NEDD9: variants seen among roughly 807,000 people sequenced by gnomAD.
NEDD9 encodes enhancer of filamentation 1.
A neutral mutation model predicts 76.6 loss-of-function variants in NEDD9; 26 were observed. The observed-to-expected ratio is 0.34, with a 90% confidence interval of 0.25 to 0.47. The LOEUF is 0.47. NEDD9 is among the 20% of genes least tolerant of loss of function. The pLI is 1.00. For synonymous variants in NEDD9, 392 were observed against 414.2 expected (o/e 0.95, Z 0.65); for missense variants, 937 against 1,058.5 (o/e 0.89, Z 1.59).
At chr6:11,371,680 T>A (rs1762878044) in intron 1 of NEDD9, among the ~76,000 whole-genome samples, 1 of 152,198 alleles carries the variant, frequency 6.6e-6, no homozygotes, top group South Asian at 2.1e-4. Flanking sequence ...AGGTGAGAAA[T>A]CGTGATGACG....
intron 2 of NEDD9, among the ~76,000 whole-genome samples, chr6:11,308,471 G>A (rs1280625625): frequency 7.0e-6 from 1 of 142,160 alleles, no homozygotes; most frequent in Middle Eastern, 3.5e-3. Context: ...CCAGGTTCAC[G>A]CCATTCTCCT....
At chr6:11,263,382 A>C (rs887987348) in intron 3 of NEDD9, among the ~76,000 whole-genome samples, 1 of 152,224 alleles carries the variant, frequency 6.6e-6, no homozygotes, top group Non-Finnish European at 1.5e-5. Context: ...TCTAACCTCC[A>C]AGGACTCTGC....
intron 1 of NEDD9, among the ~76,000 whole-genome samples, chr6:11,335,444 T>C (rs1161771985): frequency 2.6e-5 from 4 of 152,228 alleles, no homozygotes; most frequent in Non-Finnish European, 4.4e-5. Context: ...CTGCAGTGGC[T>C]GCAGCTGGCA....
At chr6:11,292,920 C>A (rs1210489945) in intron 3 of NEDD9, among the ~76,000 whole-genome samples, 1 of 152,154 alleles carries the variant, frequency 6.6e-6, no homozygotes, top group African/African-American at 2.4e-5. Flanking sequence ...CAGAAACATC[C>A]ATGGAACTTG....
chr6:11,335,504 A>G (rs577775133), intron 1 of NEDD9, among the ~76,000 whole-genome samples: 3 of 152,222 alleles, frequency 2.0e-5, no homozygotes, highest in Non-Finnish European at 2.9e-5. Flanking sequence ...ACCCGACTGC[A>G]CGTCATACAA....
chr6:11,230,878 A>AGGGG (rs1244441989), intron 1 of NEDD9, among the ~76,000 whole-genome samples: 1 of 152,232 alleles, frequency 6.6e-6, no homozygotes, highest in East Asian at 1.9e-4. Flanking sequence ...AAAGCTAACC[A>AGGGG]CGATGAGATC....
intron 2 of NEDD9, chr6:11,200,683 T>C: frequency 8.0e-7 from 1 of 1,255,756 alleles, no homozygotes; most frequent in South Asian, 2.0e-5. Context: ...GTGCTCAAAA[T>C]GAGATCTACG....
chr6:11,184,267 C>T lies in NEDD9; in HGVS notation c.*895G>A, dbSNP rs1757921517. 6.6e-6 allele frequency: 1 copy of T among 152,184 alleles called. No individual in the cohort carries two copies. Among genetic ancestry groups the T allele is most frequent in the South Asian group, 2.1e-4 (1 of 4,822 alleles). The allele number at this position is 152,184 out of a possible 1,614,324, so 9.4% of individuals were successfully genotyped here. A position where few individuals can be genotyped will look rare whatever the true frequency, so the allele number is the denominator to read the frequency against. The stretch of plus-strand genomic sequence containing the variant: ...CTCTACTTGCAACTGGCGGATCAAA[C>T]CATTCCCCTATTTTGGTGAACAATC... On this transcript the variant is annotated 3_prime_UTR_variant, in exon 7 of 7. Coordinates refer to ENST00000379446, the MANE Select transcript of NEDD9 (RefSeq NM_006403.4).
chr6:11,292,489 TG>T (rs1194260302), intron 3 of NEDD9, among the ~76,000 whole-genome samples: 1 of 152,206 alleles, frequency 6.6e-6, no homozygotes, highest in East Asian at 1.9e-4. Flanking sequence ...CATCCAGACA[TG>T]CCTCTTTGCA....
At chr6:11,287,833 A>G (rs1760683863) in intron 3 of NEDD9, among the ~76,000 whole-genome samples, 1 of 152,206 alleles carries the variant, frequency 6.6e-6, no homozygotes, top group Non-Finnish European at 1.5e-5. Context: ...TTAACCTTCC[A>G]GCTTCTGGAA....
chr6:11,274,141 G>A (rs1194538248), intron 3 of NEDD9, among the ~76,000 whole-genome samples: 1 of 152,160 alleles, frequency 6.6e-6, no homozygotes, highest in African/African-American at 2.4e-5. Context: ...TATTTGTTAG[G>A]AGCTTTTTGG....
At chr6:11,196,543 CA>C (rs1174796024) in intron 2 of NEDD9, among the ~76,000 whole-genome samples, 1 of 152,160 alleles carries the variant, frequency 6.6e-6, no homozygotes, top group African/African-American at 2.4e-5. Context: ...CACAGAACCC[CA>C]ACTTGCTCTC....
At position 11,256,404 on chromosome 6, in the gene NEDD9, G is replaced by A. The variant is rs561999147; in HGVS notation, c.13-42677C>T. Reference sequence around the variant, plus strand: ...CAGCCCACTCTAACACCACAGAGGCGCCTCTGCTCTTGTTGGCTGTATTCA... The same window carrying A: ...CAGCCCACTCTAACACCACAGAGGCACCTCTGCTCTTGTTGGCTGTATTCA... On this transcript the variant is annotated intron_variant, in intron 3 of 3. Transcript: ENST00000397378. 6.6e-5 allele frequency among the ~76,000 whole-genome samples: 10 copies of A among 152,324 alleles called. No individual in the cohort carries two copies. The South Asian group carries it at 8.3e-4, about 13-fold the overall frequency.
intron 2 of NEDD9, among the ~76,000 whole-genome samples, chr6:11,315,519 A>G (rs1745075794): frequency 6.6e-6 from 1 of 152,252 alleles, no homozygotes; most frequent in Admixed American, 6.5e-5. Context: ...GCCAAAGAAG[A>G]ATTTGTTGGG....
chr6:11,232,645 T>G lies in NEDD9; in HGVS notation c.-130A>C. On this transcript the variant is annotated 5_prime_UTR_variant, in exon 1 of 7. Coordinates refer to ENST00000379446, the MANE Select transcript of NEDD9 (RefSeq NM_006403.4). ...GGTCCCGGGCAGAGCCGCTTGTCAG[T>G]CGCAGCGCCTCCCTCAAGTCTCTGA... The G allele has an allele frequency of 1.3e-6, 2 of 1,562,582 alleles. No homozygotes were observed. The highest frequency in any genetic ancestry group is 1.4e-5 in the African/African-American group (1 of 74,006).
At chr6:11,378,975 C>T (rs1763014876) in intron 1 of NEDD9, among the ~76,000 whole-genome samples, 1 of 152,190 alleles carries the variant, frequency 6.6e-6, no homozygotes, top group Non-Finnish European at 1.5e-5. Flanking sequence ...TCTATACTAC[C>T]CTGCATCACT....
intron 3 of NEDD9, among the ~76,000 whole-genome samples, chr6:11,263,254 T>C (rs917697226): frequency 1.3e-5 from 2 of 152,224 alleles, no homozygotes; most frequent in Non-Finnish European, 2.9e-5. Flanking sequence ...TCTGATTAAA[T>C]GTGAAACAAC....
rs76160039 is a variant in NEDD9, at chr6:11,252,518, C to T, written c.13-38791G>A. Among the ~76,000 whole-genome samples the T allele has an allele frequency of 0.015, 2,288 of 152,326 alleles. 65 individuals carry two copies. Among genetic ancestry groups the T allele is most frequent in the African/African-American group, 0.052 (2,153 of 41,556 alleles). ...ATTAACACAGCCCACAGCTACCTCC[C>T]ATGCCTCCTGGAAGCACCCCCTTCC... On this transcript the variant is annotated intron_variant, in intron 3 of 3. Coordinates refer to the NEDD9 transcript ENST00000397378. This position sits in a 1 kb window ranked among gnomAD's most constrained non-coding sequence, Gnocchi z 4.3.
intron 2 of NEDD9, among the ~76,000 whole-genome samples, chr6:11,204,649 G>T (rs145640610): frequency 1.1e-4 from 16 of 151,078 alleles, no homozygotes; most frequent in African/African-American, 3.9e-4. Flanking sequence ...GAACCCAGGA[G>T]GCGGAGGTTG....
Sources: allele counts gnomAD v4.1 joint callset (sites outside exome capture counted in the v4.1 genomes callset), GRCh38; gene constraint gnomAD v4.1.1; non-coding constraint Gnocchi (gnomAD v3.1); transcripts MANE v1.5; gene names NCBI Gene and HGNC (gene_info 2026-07-23, HGNC 2026-07-21).